The following DNAH12 variants were observed in gnomAD, a reference collection of about 807,000 sequenced individuals.
DNAH12 encodes the protein axonemal beta dynein heavy chain 12.
Under a neutral mutation model 371.5 loss-of-function variants are expected in DNAH12, and 285 were observed. That is an observed-to-expected ratio of 0.77 (90% CI 0.70 to 0.85). The LOEUF (loss-of-function observed/expected upper bound fraction) is 0.85. DNAH12 is among the 40% of genes least tolerant of loss of function. The probability of loss-of-function intolerance (pLI) is 0.00; values close to 1 mark genes in which losing one functional copy is unlikely to be tolerated. For synonymous variants in DNAH12, 1,200 were observed against 1,213.0 expected, an observed-to-expected ratio of 0.99 and a Z score of 0.22; for missense variants, 3,611 against 3,689.4, an observed-to-expected ratio of 0.98 and a Z score of 0.55.
chr3:57,437,592 G>C (rs1355407258), intron 29 of DNAH12, among the ~76,000 whole-genome samples: 1 of 152,150 alleles, frequency 6.6e-6, no homozygotes, highest in Admixed American at 6.5e-5. Context: ...ATATCGGATT[G>C]GGCCTGCTAT....
At chr3:57,438,818 T>C (rs1657576385) in intron 29 of DNAH12, among the ~76,000 whole-genome samples, 1 of 149,078 alleles carries the variant, frequency 6.7e-6, no homozygotes. Flanking sequence ...TGGGCAGTAG[T>C]GGCACGCACC....
chr3:57,428,601 A>C (rs1287933196), intron 34 of DNAH12, 32 bp downstream of exon 34: 6 of 1,512,786 alleles, frequency 4.0e-6, no homozygotes, highest in Non-Finnish European at 5.3e-6. Flanking sequence ...GAAACAAAGA[A>C]ACTTGAATAG....
chr3:57,306,405 C>T (rs559588371), intron 69 of DNAH12, among the ~76,000 whole-genome samples: 112 of 152,218 alleles, frequency 7.4e-4, no homozygotes, highest in African/African-American at 2.6e-3. Flanking sequence ...TTTAAGCACT[C>T]CTTTTTAGTT....
chr3:57,456,509 C>G (rs80073523), intron 22 of DNAH12, among the ~76,000 whole-genome samples: 8 of 152,110 alleles, frequency 5.3e-5, no homozygotes, highest in Non-Finnish European at 1.0e-4. Flanking sequence ...ACATGTAGTG[C>G]CAAGTGTTAT....
intron 62 of DNAH12, among the ~76,000 whole-genome samples, chr3:57,326,360 C>A (rs2061945738): frequency 6.6e-6 from 1 of 152,182 alleles, no homozygotes; most frequent in South Asian, 2.1e-4. Flanking sequence ...CAGCTGAGCT[C>A]TCGGCAGAAA....
chr3:57,552,237 T>C, the DNAH12 span, among the ~76,000 whole-genome samples: 1 of 125,262 alleles, frequency 8.0e-6, no homozygotes, highest in Non-Finnish European at 1.7e-5. Context: ...AGAGCAAGAC[T>C]CCATCTCAAA....
intron 70 of DNAH12, 48 bp from the exon 71 acceptor site, chr3:57,297,032 A>G (rs1368284655): frequency 8.4e-6 from 13 of 1,539,754 alleles, no homozygotes; most frequent in Non-Finnish European, 8.8e-7. Context: ...AAAGTTATAC[A>G]AGTGCCACCT....
chr3:57,371,669 G>GCACACACA (rs878975719), intron 55 of DNAH12, among the ~76,000 whole-genome samples: 30 of 147,256 alleles, frequency 2.0e-4, no homozygotes, highest in Admixed American at 2.7e-4. Flanking sequence ...CTCAAAACAC[G>GCACACACA]CACACACACA....
At chr3:57,415,848 A>G (rs2166763) in intron 37 of DNAH12, among the ~76,000 whole-genome samples, 82,673 of 147,642 alleles carry the variant, frequency 0.56, 24,323 homozygotes, top group African/African-American at 0.76. Context: ...GAGGGCAGTG[A>G]CGTGATCTTG....
At chr3:57,538,956 C>T (rs111471695) in intron 2 of DNAH12, among the ~76,000 whole-genome samples, 2 of 152,298 alleles carry the variant, frequency 1.3e-5, no homozygotes, top group African/African-American at 4.8e-5. Context: ...TGGACTTCCT[C>T]AATTCTCTAT....
At chr3:57,469,578 C>T (rs532524337) in intron 16 of DNAH12, among the ~76,000 whole-genome samples, 1 of 152,262 alleles carries the variant, frequency 6.6e-6, no homozygotes, top group South Asian at 2.1e-4. Flanking sequence ...ATGGAGTCAA[C>T]CTAGGTGCCC....
intron 58 of DNAH12, among the ~76,000 whole-genome samples, chr3:57,360,104 A>G (rs2062890963): frequency 6.6e-6 from 1 of 152,164 alleles, no homozygotes; most frequent in Admixed American, 6.5e-5. Flanking sequence ...AATGCTCCCT[A>G]TCTTCTCTCC....
chr3:57,477,773 C>T lies in DNAH12; in HGVS notation c.1651-5102G>A, dbSNP rs577607266. On this transcript the variant is annotated intron_variant, in intron 13 of 73. Coordinates refer to ENST00000495027, the MANE Select transcript of DNAH12 (RefSeq NM_001366028.2). The stretch of plus-strand genomic sequence containing the variant: ...GCAACACTTGCTGTTCACCAATATC[C>T]GCTGTTCTGCAGCAACCGCTGCTGA... 4.6e-5 allele frequency among the ~76,000 whole-genome samples: 7 copies of T among 152,276 alleles called. No individual in the cohort carries two copies. In the East Asian group the frequency reaches 5.8e-4, roughly 13 times the overall value.
At chr3:57,552,622 C>A in the DNAH12 span, among the ~76,000 whole-genome samples, 1 of 152,126 alleles carries the variant, frequency 6.6e-6, no homozygotes, top group African/African-American at 2.4e-5. Context: ...AAAAACAAAG[C>A]CACCAGGTAT....
rs2065422253 is a variant in DNAH12 at position 57,444,713 on chromosome 3, G to A, written c.4529C>T (p.Pro1510Leu). The stretch of plus-strand genomic sequence containing the variant: ...TTTACTTACGTGATAGTCAGCTTCA[G>A]GAAGTTTAATACCAGGAAATAAGTC... Reference protein sequence around the residue: ...TSDLFPGIKLPEADYHEFLEC... With the variant: ...TSDLFPGIKLLEADYHEFLEC... Residue 1510 changes from proline (P) to leucine (L), a missense_variant, in exon 29 of 74, where the codon CCT (proline) becomes CTT (leucine). Physicochemically the swap from Pro to Leu is moderately conservative, Grantham distance 98 (BLOSUM62 -3). This residue lies in a region of DNAH12 where 2,266 missense variants were observed against 2,236.9 expected (regional missense o/e 1.01). Coordinates refer to ENST00000495027, the MANE Select transcript of DNAH12 (RefSeq NM_001366028.2). 1 of 1,549,422 alleles carries A rather than the reference G, an allele frequency of 6.5e-7. No homozygotes were observed. The highest frequency in any genetic ancestry group is 8.7e-7 in the Non-Finnish European group (1 of 1,146,200).
At chr3:57,391,260 C>T (rs2063616785) in intron 45 of DNAH12, among the ~76,000 whole-genome samples, 2 of 152,262 alleles carry the variant, frequency 1.3e-5, no homozygotes, top group Middle Eastern at 3.4e-3. Flanking sequence ...TTGTCCTTGT[C>T]CAGTTTTGTT....
intron 33 of DNAH12, among the ~76,000 whole-genome samples, chr3:57,429,183 T>A (rs1006141135): frequency 2.7e-5 from 4 of 150,394 alleles, no homozygotes; most frequent in South Asian, 2.1e-4. Flanking sequence ...CCACACATTT[T>A]TTTTTTTTTT....
At chr3:57,322,924 C>G in intron 64 of DNAH12, 83 bp downstream of exon 64, 1 of 1,465,582 alleles carries the variant, frequency 6.8e-7, no homozygotes, top group Non-Finnish European at 9.1e-7. Context: ...AGTAAGACTC[C>G]GTCTCAAAAC....
chr3:57,352,154 T>G lies in DNAH12; in HGVS notation c.9605A>C (p.Asn3202Thr). The change falls in exon 60 of 74, where the codon AAT becomes ACT. Residue 3202 changes from asparagine (N) to threonine (T), a missense_variant. Asn to Thr is a moderately conservative substitution (Grantham distance 65, BLOSUM62 0). This residue lies in a region of DNAH12 where 2,266 missense variants were observed against 2,236.9 expected (regional missense o/e 1.01). Coordinates refer to ENST00000495027, the MANE Select transcript of DNAH12 (RefSeq NM_001366028.2). The stretch of plus-strand genomic sequence containing the variant: ...CTTCTCAAATAGTGATCGGCATATA[T>G]TACAATATAAGTTGTATGTGAAGTG... Reference protein sequence around the residue: ...NDHFTYNLYCNICRSLFEKDK... With the variant: ...NDHFTYNLYCTICRSLFEKDK... The G allele has an allele frequency of 1.3e-6, 2 of 1,544,870 alleles. No homozygotes were observed. The highest frequency in any genetic ancestry group is 2.5e-5 in the South Asian group (2 of 81,242).
Sources: gnomAD v4.1 joint callset for allele counts (sites outside exome capture counted in the v4.1 genomes callset) on GRCh38, gnomAD v4.1.1 for gene constraint, gnomAD v4.1.1 regional missense constraint, MANE v1.5 for transcripts, NCBI Gene and HGNC (gene_info 2026-07-23, HGNC 2026-07-21) for gene names.